The following MFHAS1 variants were observed in gnomAD, a reference collection of about 807,000 sequenced individuals.
MFHAS1 encodes multifunctional ROCO family signaling regulator 1.
A neutral mutation model predicts 70.4 loss-of-function variants in MFHAS1; 50 were observed. The observed-to-expected ratio is 0.71, with a 90% confidence interval of 0.57 to 0.90. The LOEUF is 0.90. MFHAS1 is among the 40% of genes least tolerant of loss of function. The probability of loss-of-function intolerance (pLI) is 0.00; values close to 1 mark genes in which losing one functional copy is unlikely to be tolerated. For synonymous variants in MFHAS1, 952 were observed against 620.0 expected (o/e 1.54, Z -7.96); for missense variants, 1,795 against 1,347.6 (o/e 1.33, Z -5.20).
At chr8:8,859,914 A>G (rs1020726140) in intron 1 of MFHAS1, 2 of 152,194 alleles carry the variant, frequency 1.3e-5, no homozygotes, top group African/African-American at 4.8e-5. Context: ...TTTAAGTGAT[A>G]TCTGGTATTA....
intron 1 of MFHAS1, among the ~76,000 whole-genome samples, chr8:8,883,362 G>A (rs34695890): frequency 0.2 from 30,031 of 151,886 alleles, 3,433 homozygotes; most frequent in African/African-American, 0.31. Context: ...AACAAAATCA[G>A]CAGGCATTCT....
chr8:8,796,397 G>C (rs142391375), intron 2 of MFHAS1, among the ~76,000 whole-genome samples: 33 of 152,328 alleles, frequency 2.2e-4, no homozygotes, highest in African/African-American at 7.5e-4. Flanking sequence ...ACAGAGTTAA[G>C]ACTGCCCGTC....
At chr8:8,806,551 T>C (rs1382944415) in intron 1 of MFHAS1, among the ~76,000 whole-genome samples, 1 of 152,214 alleles carries the variant, frequency 6.6e-6, no homozygotes, top group Non-Finnish European at 1.5e-5. Context: ...AAACTTACTG[T>C]TCTCAGCATC....
intron 1 of MFHAS1, among the ~76,000 whole-genome samples, chr8:8,841,194 G>C (rs1364238861): frequency 6.6e-6 from 1 of 152,154 alleles, no homozygotes; most frequent in Non-Finnish European, 1.5e-5. Context: ...TTCTTTTTGG[G>C]TCGGGCGTGG....
At position 8,893,601 on chromosome 8, in the gene MFHAS1, G is replaced by C. The variant is rs1392691425; in HGVS notation, c.-543C>G. The C allele has an allele frequency of 6.8e-6, 1 of 146,512 alleles. No individual in the cohort carries two copies. The highest frequency in any genetic ancestry group is 1.5e-5 in the Non-Finnish European group (1 of 65,898). 9.1% of individuals were successfully genotyped at this position (146,512 alleles called of 1,614,324 possible). A position where few individuals can be genotyped will look rare whatever the true frequency, so the allele number is the denominator to read the frequency against. On this transcript the variant is annotated 5_prime_UTR_variant, in exon 1 of 3. Transcript: ENST00000276282. ...GCGGGAGCGCGGGCGCCGCGTCCCC[G>C]GCGCTGGGAGGGCGCGATTGGGAAG...
chr8:8,831,679 G>T (rs1023156729), intron 1 of MFHAS1, among the ~76,000 whole-genome samples: 1 of 150,852 alleles, frequency 6.6e-6, no homozygotes, highest in Admixed American at 6.6e-5. Flanking sequence ...TGCAATCTCA[G>T]CTCACTGCAA....
At chr8:8,790,108 A>G (rs1444594220) in intron 2 of MFHAS1, among the ~76,000 whole-genome samples, 1 of 152,204 alleles carries the variant, frequency 6.6e-6, no homozygotes, top group African/African-American at 2.4e-5. Context: ...ATCACTGTCT[A>G]TGCAATATCA....
intron 1 of MFHAS1, among the ~76,000 whole-genome samples, chr8:8,815,303 T>C (rs995156295): frequency 1.3e-5 from 2 of 152,198 alleles, no homozygotes; most frequent in African/African-American, 4.8e-5. Context: ...TCTTTGTTAT[T>C]GTGAATAGTG....
rs1810161877 is a variant in MFHAS1, at chr8:8,893,112, G to A, written c.-54C>T. 1 of 1,278,690 alleles carries A rather than the reference G, an allele frequency of 7.8e-7. No homozygotes were observed. Among genetic ancestry groups the A allele is most frequent in the Non-Finnish European group, 1.0e-6 (1 of 985,248 alleles). The allele number at this position is 1,278,690 out of a possible 1,614,324, so 79.2% of individuals were successfully genotyped here. On this transcript the variant is annotated 5_prime_UTR_variant, in exon 1 of 3. Coordinates refer to ENST00000276282, the MANE Select transcript of MFHAS1 (RefSeq NM_004225.3). ...CGGACGCGGGAGCCCGCAGCTACATGCCGCGCCGCGCCCCGGGCCCTCCGG... is the reference window on the plus strand; with the variant it reads ...CGGACGCGGGAGCCCGCAGCTACATACCGCGCCGCGCCCCGGGCCCTCCGG...
At chr8:8,790,372 G>T in intron 2 of MFHAS1, 1 of 985,068 alleles carries the variant, frequency 1.0e-6, no homozygotes, top group African/African-American at 1.7e-5. Context: ...CAGTAAAAAT[G>T]ATGGCATAAG....
intron 1 of MFHAS1, among the ~76,000 whole-genome samples, chr8:8,823,904 C>T (rs929325415): frequency 3.2e-5 from 4 of 125,990 alleles, no homozygotes; most frequent in Non-Finnish European, 6.7e-5. Flanking sequence ...TGAGTGAGCG[C>T]TCACAGAAAA....
chr8:8,890,996 C>T lies in MFHAS1; in HGVS notation c.2063G>A (p.Arg688His). 1.2e-6 allele frequency: 2 copies of T among 1,613,886 alleles called. No individual in the cohort carries two copies. Among genetic ancestry groups the T allele is most frequent in the Non-Finnish European group, 1.7e-6 (2 of 1,179,972 alleles). Residue 688 changes from arginine to histidine, a missense_variant, in exon 1 of 3, where the codon CGC (arginine) becomes CAC (histidine). Physicochemically the swap from Arg to His is conservative, Grantham distance 29 (BLOSUM62 0). Transcript: ENST00000276282. The part of the protein sequence containing the change: ...RLWLSWWDSA[R>H]LGLQAGLTED... ...GGTCAGACCCGCCTGCAGGCCCAAGCGCGCCGAGTCCCACCAGCTTAGCCA... is the reference window on the plus strand; with the variant it reads ...GGTCAGACCCGCCTGCAGGCCCAAGTGCGCCGAGTCCCACCAGCTTAGCCA...
At chr8:8,863,474 G>C (rs1281443953) in intron 1 of MFHAS1, among the ~76,000 whole-genome samples, 1 of 152,162 alleles carries the variant, frequency 6.6e-6, no homozygotes, top group Non-Finnish European at 1.5e-5. Context: ...TTCCTGCCCA[G>C]TTGACCTCAT....
chr8:8,842,204 G>A (rs1242596956), intron 1 of MFHAS1, among the ~76,000 whole-genome samples: 1 of 146,464 alleles, frequency 6.8e-6, no homozygotes, highest in African/African-American at 2.6e-5. Context: ...TTTTTTTTTT[G>A]AAACGGAATT....
At chr8:8,851,040 C>T (rs781154992) in intron 1 of MFHAS1, among the ~76,000 whole-genome samples, 3 of 152,176 alleles carry the variant, frequency 2.0e-5, no homozygotes, top group African/African-American at 7.2e-5. Flanking sequence ...TCGACTTTAT[C>T]ACCCAAAAGT....
At chr8:8,817,625 T>C (rs1806796799) in intron 1 of MFHAS1, among the ~76,000 whole-genome samples, 1 of 152,246 alleles carries the variant, frequency 6.6e-6, no homozygotes, top group African/African-American at 2.4e-5. Context: ...TTCTCCTTGC[T>C]GTGGCTCTAA....
chr8:8,826,040 T>A (rs1807146374), intron 1 of MFHAS1, among the ~76,000 whole-genome samples: 2 of 152,246 alleles, frequency 1.3e-5, no homozygotes, highest in Non-Finnish European at 2.9e-5. Context: ...GAGGTTCTGA[T>A]AATGGATAGT....
chr8:8,840,284 C>G (rs932853885), intron 1 of MFHAS1, among the ~76,000 whole-genome samples: 8 of 152,106 alleles, frequency 5.3e-5, no homozygotes, highest in Non-Finnish European at 1.0e-4. Context: ...TGGCAAAACC[C>G]TGTGTCTACT....
Position 8,891,152 on chromosome 8 carries a change from C to T in MFHAS1, c.1907G>A (p.Arg636Gln), listed in dbSNP as rs367663776. The T allele has an allele frequency of 2.5e-6, 4 of 1,613,442 alleles. No individual in the cohort carries two copies. In the African/African-American group the frequency reaches 4.0e-5, roughly 16 times the overall value. ...PVSCRDPRHL[R>Q]RLRDKLLSVA... ...TGACAGCAACTTGTCCCGAAGGCGT[C>T]GTAAGTGGCGCGGGTCCCTGCAGCT... is the stretch of plus-strand genomic sequence containing the variant. Residue 636 changes from arginine (R) to glutamine (Q), a missense_variant, in exon 1 of 3, where the codon CGA (arginine) becomes CAA (glutamine). Transcript: ENST00000276282. This position sits in a 1 kb window ranked among gnomAD's most constrained non-coding sequence, Gnocchi z 5.4.
Sources: gnomAD v4.1 joint callset for allele counts (sites outside exome capture counted in the v4.1 genomes callset) on GRCh38, gnomAD v4.1.1 for gene constraint, Gnocchi (gnomAD v3.1) non-coding constraint, MANE v1.5 for transcripts, NCBI Gene and HGNC (gene_info 2026-07-23, HGNC 2026-07-21) for gene names.